The following LIPI variants were observed in gnomAD, a reference collection of about 807,000 sequenced individuals.
The protein encoded by LIPI is lipase I.
Under a neutral mutation model 50.6 loss-of-function variants are expected in LIPI, and 59 were observed. The ratio of observed to expected loss-of-function variants is 1.16; its 90% confidence interval spans 0.94 to 1.45. LIPI has a LOEUF of 1.45. Ranked by LOEUF, LIPI falls within the 40% of genes most tolerant of loss-of-function variation. The pLI, the probability that LIPI is intolerant of heterozygous loss-of-function variation, is 0.00. For synonymous variants in LIPI, 203 were observed against 178.2 expected (o/e 1.14, Z -1.11); for missense variants, 586 against 536.3 (o/e 1.09, Z -0.92).
intron 7 of LIPI, among the ~76,000 whole-genome samples, chr21:14,153,429 C>A (rs1258386481): frequency 6.6e-6 from 1 of 152,166 alleles, no homozygotes; most frequent in African/African-American, 2.4e-5. Flanking sequence ...ATTCACCTTG[C>A]CCATATAAAT....
At chr21:14,198,694 T>C (rs370615011) in intron 1 of LIPI, among the ~76,000 whole-genome samples, 5 of 152,208 alleles carry the variant, frequency 3.3e-5, no homozygotes, top group East Asian at 3.9e-4. Context: ...AACCCACTGA[T>C]AATATGAGAT....
At chr21:14,130,013 A>G (rs1338331805) in intron 9 of LIPI, among the ~76,000 whole-genome samples, 1 of 152,126 alleles carries the variant, frequency 6.6e-6, no homozygotes, top group Non-Finnish European at 1.5e-5. Context: ...AAAATTGGAG[A>G]GGGGGTGGTG....
chr21:14,186,097 C>T (rs748538096), intron 2 of LIPI, 28 bp from the exon 3 acceptor site: 11 of 1,201,958 alleles, frequency 9.2e-6, no homozygotes, highest in Admixed American at 5.0e-5. Flanking sequence ...GGCAATATTA[C>T]AGTATTCATT....
chr21:14,123,454 CTG>C (rs1219614040), intron 9 of LIPI, among the ~76,000 whole-genome samples: 3 of 152,108 alleles, frequency 2.0e-5, no homozygotes, highest in African/African-American at 7.2e-5. Flanking sequence ...GGACTGGAGC[CTG>C]TGTGTTAGGG....
At chr21:14,199,117 T>C (rs915019250) in intron 1 of LIPI, among the ~76,000 whole-genome samples, 8 of 152,070 alleles carry the variant, frequency 5.3e-5, no homozygotes, top group African/African-American at 1.9e-4. Context: ...GAGAAATTGA[T>C]AGCACTAAAT....
At chr21:14,205,314 C>T (rs960237840) in intron 1 of LIPI, among the ~76,000 whole-genome samples, 3 of 151,706 alleles carry the variant, frequency 2.0e-5, no homozygotes, top group African/African-American at 7.3e-5. Flanking sequence ...TCATGTATTT[C>T]TAAGATGGGG....
intron 1 of LIPI, among the ~76,000 whole-genome samples, chr21:14,191,969 A>G (rs2019692513): frequency 1.3e-5 from 2 of 152,248 alleles, no homozygotes; most frequent in South Asian, 2.1e-4. Context: ...ATAGCCAGAC[A>G]TGAATTGAAC....
intron 4 of LIPI, among the ~76,000 whole-genome samples, chr21:14,168,390 G>A (rs1309843920): frequency 6.6e-6 from 1 of 152,110 alleles, no homozygotes; most frequent in Non-Finnish European, 1.5e-5. Context: ...CTCGAGAAGA[G>A]CAACTCCAAG....
chr21:14,182,738 G>C (rs62226899), intron 3 of LIPI, among the ~76,000 whole-genome samples: 2 of 140,232 alleles, frequency 1.4e-5, no homozygotes, highest in Admixed American at 1.4e-4. Flanking sequence ...GGCATTCACA[G>C]TTGCTTCAAA....
chr21:14,125,859 T>C (rs778037129), intron 9 of LIPI, among the ~76,000 whole-genome samples: 18 of 152,128 alleles, frequency 1.2e-4, no homozygotes, highest in South Asian at 4.1e-4. Context: ...CAGGCCAAGA[T>C]GATAGTTTTA....
chr21:14,208,010 A>C (rs1172854913), intron 1 of LIPI, among the ~76,000 whole-genome samples: 5 of 152,164 alleles, frequency 3.3e-5, no homozygotes, highest in African/African-American at 1.2e-4. Context: ...CTTTCACATG[A>C]TCCTTGTTTA....
At position 14,115,462 on chromosome 21, in the gene LIPI, G is replaced by A. The variant is rs2016591357; in HGVS notation, c.1296-6382C>T. On this transcript the variant is annotated intron_variant, in intron 9 of 9. Coordinates refer to ENST00000681601, the MANE Select transcript of LIPI (RefSeq NM_001302998.2). ...CTGGACACTAGTCCAACTGAGCCAG[G>A]TGATCACCTTTTAATAAAGACCTTT... 3.9e-5 allele frequency among the ~76,000 whole-genome samples: 6 copies of A among 152,278 alleles called. 1 individual carries two copies. The South Asian group carries it at 1.2e-3, about 32-fold the overall frequency.
chr21:14,141,007 T>G (rs1287124934), intron 9 of LIPI, among the ~76,000 whole-genome samples: 1 of 152,196 alleles, frequency 6.6e-6, no homozygotes, highest in African/African-American at 2.4e-5. Flanking sequence ...CCGTTGATAA[T>G]TTTTTGAATA....
chr21:14,160,264 A>G (rs2018415901), intron 7 of LIPI, among the ~76,000 whole-genome samples: 1 of 151,506 alleles, frequency 6.6e-6, no homozygotes, highest in Middle Eastern at 3.4e-3. Context: ...GCTATGTGGT[A>G]CTAGAAAAAG....
At position 14,185,986 on chromosome 21, in the gene LIPI, A is replaced by G; in HGVS notation, c.516T>C (p.Phe172=). The G allele has an allele frequency of 6.3e-7, 1 of 1,583,582 alleles. No individual in the cohort carries two copies. Among genetic ancestry groups the G allele is most frequent in the Non-Finnish European group, 8.7e-7 (1 of 1,152,660 alleles). ...CTGTTATTCTTCCAAGTTGACCATG[A>G]AATATCTTTCCAACAAATCCACTGA... ...AHISGFVGKI[F]HGQLGRITGL... The change falls in exon 3 of 10, where the codon TTT becomes TTC. Residue 172 remains phenylalanine, a synonymous_variant. Coordinates refer to ENST00000681601, the MANE Select transcript of LIPI (RefSeq NM_001302998.2).
At chr21:14,110,850 T>C (rs1473060737) in intron 9 of LIPI, among the ~76,000 whole-genome samples, 1 of 147,484 alleles carries the variant, frequency 6.8e-6, no homozygotes, top group Non-Finnish European at 1.5e-5. Context: ...AATTTATAGA[T>C]CTCTATCTAT....
At chr21:14,133,722 A>G (rs2123010369) in intron 9 of LIPI, among the ~76,000 whole-genome samples, 1 of 152,328 alleles carries the variant, frequency 6.6e-6, no homozygotes, top group Non-Finnish European at 1.5e-5. Flanking sequence ...TTATATCTTG[A>G]AAACCCTAAA....
intron 9 of LIPI, among the ~76,000 whole-genome samples, chr21:14,140,503 T>A (rs550842191): frequency 6.6e-6 from 1 of 152,232 alleles, no homozygotes; most frequent in African/African-American, 2.4e-5. Context: ...TAATTTTGTA[T>A]ATTTGTAGGC....
intron 8 of LIPI, among the ~76,000 whole-genome samples, chr21:14,148,133 CA>C (rs1384191891): frequency 2.0e-5 from 3 of 151,996 alleles, no homozygotes; most frequent in African/African-American, 7.3e-5. Context: ...ACATTTCAAT[CA>C]GATCCTAATT....
Sources: gnomAD v4.1 joint callset for allele counts (sites outside exome capture counted in the v4.1 genomes callset) on GRCh38, gnomAD v4.1.1 for gene constraint, MANE v1.5 for transcripts, NCBI Gene and HGNC (gene_info 2026-07-23, HGNC 2026-07-21) for gene names.